SMARCC1: variants seen among roughly 807,000 people sequenced by gnomAD.
The protein encoded by SMARCC1 is SWI/SNF complex subunit SMARCC1.
Under a neutral mutation model 147.4 loss-of-function variants are expected in SMARCC1, and 43 were observed. The ratio of observed to expected loss-of-function variants is 0.29; its 90% confidence interval spans 0.23 to 0.38. The LOEUF is 0.38. Among genes scored for constraint, SMARCC1 ranks in the 10% least tolerant of loss-of-function variants. The pLI is 1.00. For missense variants in SMARCC1, 1,119 were observed against 1,381.1 expected, an observed-to-expected ratio of 0.81 and a Z score of 3.01; for synonymous variants, 495 against 484.4, an observed-to-expected ratio of 1.02 and a Z score of -0.29.
intron 16 of SMARCC1, among the ~76,000 whole-genome samples, chr3:47,677,258 C>A (rs556527706): frequency 6.6e-6 from 1 of 152,070 alleles, no homozygotes; most frequent in Non-Finnish European, 1.5e-5. Context: ...CATCACCATG[C>A]GCAGCTAATT....
chr3:47,668,063 A>C (rs1489002636), intron 19 of SMARCC1, among the ~76,000 whole-genome samples: 1 of 152,158 alleles, frequency 6.6e-6, no homozygotes, highest in African/African-American at 2.4e-5. Flanking sequence ...ATGTACATAT[A>C]TATTAACTTG....
rs969140335 is a variant in SMARCC1, at chr3:47,655,356, G to A, written c.2320+5938C>T. Among the ~76,000 whole-genome samples, 6 of 151,138 alleles carry A rather than the reference G, an allele frequency of 4.0e-5. No homozygotes were observed. The East Asian group carries it at 5.9e-4, about 15-fold the overall frequency. ...AGAGGTTGTGATGGGCTGTGATCAC[G>A]CCACCGTACTCCAGCCTGGGTGACA... is the stretch of plus-strand genomic sequence containing the variant. On this transcript the variant is annotated intron_variant, in intron 21 of 27. Transcript: ENST00000254480.
At position 47,781,783 on chromosome 3, in the gene SMARCC1, C is replaced by T. The variant is rs2035052251; in HGVS notation, c.15G>A (p.Ala5=). MAAA[A]GGGGPGTAVG... ...CCGCTGTCCCCGGCCCGCCGCCGCC[C>T]GCCGCTGCGGCCATCGTCGCAGCCC... The change falls in exon 1 of 28, where the codon GCG becomes GCA. Residue 5 remains alanine (A), a synonymous_variant. Transcript: ENST00000254480. 3 of 1,469,036 alleles carry T rather than the reference C, an allele frequency of 2.0e-6. No homozygotes were observed. The highest frequency in any genetic ancestry group is 3.0e-5 in the African/African-American group (2 of 67,730). The allele number at this position is 1,469,036 out of a possible 1,614,324, so 91.0% of individuals were successfully genotyped here.
intron 22 of SMARCC1, among the ~76,000 whole-genome samples, chr3:47,636,750 C>T (rs2032973847): frequency 6.7e-6 from 1 of 149,590 alleles, no homozygotes; most frequent in Admixed American, 6.7e-5. Context: ...AGTGAGACTC[C>T]ATCTCAAAAA....
In SMARCC1 at chr3:47,760,633, C is replaced by T. The variant is rs572128061; in HGVS notation, c.315+12184G>A. Among the ~76,000 whole-genome samples, 32 of 152,330 alleles carry T rather than the reference C, an allele frequency of 2.1e-4. 1 individual carries two copies. The Middle Eastern group carries it at 0.017, about 81-fold the overall frequency. On this transcript the variant is annotated intron_variant, in intron 2 of 27. Transcript: ENST00000254480. ...GAGCCAAGATTGTGCTACTGCACTC[C>T]AGCCTGGGCAACTGAGCAAGACTCT...
At chr3:47,641,818 G>T (rs2106710500) in intron 21 of SMARCC1, among the ~76,000 whole-genome samples, 1 of 152,282 alleles carries the variant, frequency 6.6e-6, no homozygotes, top group South Asian at 2.1e-4. Context: ...TGTAATGCAG[G>T]TTGAAGTGCA....
chr3:47,628,836 G>C (rs1576392252), intron 24 of SMARCC1, among the ~76,000 whole-genome samples: 1 of 152,136 alleles, frequency 6.6e-6, no homozygotes, highest in East Asian at 1.9e-4. Flanking sequence ...TCCCAAAGTG[G>C]GGATTACATT....
chr3:47,607,410 C>T (rs1031627993), intron 26 of SMARCC1, among the ~76,000 whole-genome samples: 3 of 152,150 alleles, frequency 2.0e-5, no homozygotes, highest in African/African-American at 7.2e-5. Flanking sequence ...TTGATAATAC[C>T]GTGACTTGGA....
intron 1 of SMARCC1, among the ~76,000 whole-genome samples, chr3:47,777,549 A>G (rs886977784): frequency 6.6e-6 from 1 of 151,828 alleles, no homozygotes; most frequent in Non-Finnish European, 1.5e-5. Flanking sequence ...TTATTTTTTG[A>G]GACACTTTCG....
chr3:47,722,817 A>G (rs1316780732), intron 6 of SMARCC1, among the ~76,000 whole-genome samples: 1 of 152,226 alleles, frequency 6.6e-6, no homozygotes, highest in Non-Finnish European at 1.5e-5. Context: ...AAGGAAAATA[A>G]CATACCATGC....
chr3:47,680,250 A>G, intron 15 of SMARCC1, 187 bp downstream of exon 15: 1 of 514,728 alleles, frequency 1.9e-6, no homozygotes, highest in Non-Finnish European at 3.4e-6. Context: ...ACCCCCCAAA[A>G]CAAAAAACGA....
intron 19 of SMARCC1, among the ~76,000 whole-genome samples, chr3:47,664,737 C>T (rs2033400665): frequency 6.6e-6 from 1 of 152,186 alleles, no homozygotes; most frequent in South Asian, 2.1e-4. Flanking sequence ...CTGGCAATGT[C>T]TGCAGACATT....
At chr3:47,705,323 CAAAAAAA>C (rs754344034) in intron 10 of SMARCC1, among the ~76,000 whole-genome samples, 2 of 103,754 alleles carry the variant, frequency 1.9e-5, no homozygotes, top group Non-Finnish European at 1.9e-5. Context: ...GACTCCGTCT[CAAAAAAA>C]AAAAAAAAAA....
intron 2 of SMARCC1, among the ~76,000 whole-genome samples, chr3:47,751,700 A>G (rs2034631402): frequency 1.3e-5 from 2 of 152,130 alleles, no homozygotes; most frequent in South Asian, 4.2e-4. Flanking sequence ...GACCTTGTCT[A>G]TATTATTTAA....
At chr3:47,662,722 G>A (rs1263400854) in intron 19 of SMARCC1, 130 bp from the exon 20 acceptor site, 2 of 749,288 alleles carry the variant, frequency 2.7e-6, no homozygotes, top group East Asian at 5.3e-5. Context: ...AAGATTTGAT[G>A]GTTTCCTTAG....
chr3:47,779,273 A>T (rs1473835927), intron 1 of SMARCC1, among the ~76,000 whole-genome samples: 1 of 152,200 alleles, frequency 6.6e-6, no homozygotes, highest in Non-Finnish European at 1.5e-5. Flanking sequence ...AAATGACACT[A>T]ACAAAATCAT....
intron 21 of SMARCC1, among the ~76,000 whole-genome samples, chr3:47,652,623 C>A (rs201096125): frequency 7.6e-3 from 1,021 of 134,452 alleles, no homozygotes; most frequent in Middle Eastern, 0.016. Context: ...CTTGCTTTTG[C>A]AAAAAAAAAA....
chr3:47,704,800 T>C (rs527381743), intron 10 of SMARCC1, among the ~76,000 whole-genome samples: 1 of 151,744 alleles, frequency 6.6e-6, no homozygotes, highest in African/African-American at 2.4e-5. Context: ...ACCTGTAGTC[T>C]CAGCTACTCC....
intron 14 of SMARCC1, among the ~76,000 whole-genome samples, chr3:47,681,223 T>C (rs1000051239): frequency 6.6e-6 from 1 of 152,102 alleles, no homozygotes; most frequent in East Asian, 1.9e-4. Context: ...GTAGAGACAA[T>C]GAATTTGCTA....
Sources: gnomAD v4.1 joint callset for allele counts (sites outside exome capture counted in the v4.1 genomes callset) on GRCh38, gnomAD v4.1.1 for gene constraint, MANE v1.5 for transcripts, NCBI Gene and HGNC (gene_info 2026-07-23, HGNC 2026-07-21) for gene names.